The following DDX1 variants were observed in gnomAD, a reference collection of about 807,000 sequenced individuals.
DDX1 encodes DEAD-box helicase 1.
Under a neutral mutation model 108.7 loss-of-function variants are expected in DDX1, and 28 were observed. The ratio of observed to expected loss-of-function variants is 0.26; its 90% CI spans 0.19 to 0.35. The LOEUF is 0.35. Among genes scored for constraint, DDX1 ranks in the 10% least tolerant of loss-of-function variants. The probability of loss-of-function intolerance (pLI) is 1.00; values close to 1 mark genes in which losing one functional copy is unlikely to be tolerated. For missense variants in DDX1, 710 were observed against 884.5 expected (o/e 0.80, Z 2.50); for synonymous variants, 295 against 288.9 (o/e 1.02, Z -0.21).
Position 15,595,510 on chromosome 2 carries a change from C to T in DDX1, c.89C>T (p.Ala30Val). 1.2e-6 allele frequency: 2 copies of T among 1,611,170 alleles called. No homozygotes were observed. The highest frequency in any genetic ancestry group is 1.7e-6 in the Non-Finnish European group (2 of 1,177,380). ...MDWLLPTDIQ[A>V]ESIPLILGGG... is the part of the protein sequence containing the mutation. ...TTTAGCCTCCCAACTGATATCCAGG[C>T]TGAATCTATCCCATTGATCTTAGGA... Residue 30 changes from alanine to valine, a missense_variant, in exon 3 of 26, where the codon GCT (alanine) becomes GTT (valine). This residue lies in a region of DDX1 where 48 missense variants were observed against 57.5 expected (regional missense o/e 0.83). Coordinates refer to ENST00000233084, the MANE Select transcript of DDX1 (RefSeq NM_004939.3).
intron 5 of DDX1, among the ~76,000 whole-genome samples, 187 bp from the exon 6 acceptor site, chr2:15,599,481 AT>A (rs202201418): frequency 4.2e-4 from 60 of 142,094 alleles, no homozygotes; most frequent in Non-Finnish European, 3.7e-4. Context: ...TAATTTTTGT[AT>A]TTTTTTTTTT....
In DDX1 at chr2:15,629,657, A is replaced by G. The variant is rs1245341922; in HGVS notation, c.1931A>G (p.Lys644Arg). 6.3e-6 allele frequency: 10 copies of G among 1,589,392 alleles called. No homozygotes were observed. Among genetic ancestry groups the G allele is most frequent in the Non-Finnish European group, 8.5e-6 (10 of 1,172,638 alleles). The change falls in exon 24 of 26, where the codon AAG (lysine) becomes AGG (arginine). Residue 644 changes from lysine (K) to arginine (R), a missense_variant. Physicochemically the swap from Lys to Arg is conservative, Grantham distance 26. Transcript: ENST00000233084. ...RGKGCYNTRL[K>R]EDGGCTIWYN... ...AAAGGGTGTTATAACACAAGACTCA[A>G]GGAAGATGGAGGCTGTACCATATGG...
chr2:15,598,318 T>G (rs1352911384), intron 5 of DDX1, among the ~76,000 whole-genome samples: 1 of 152,178 alleles, frequency 6.6e-6, no homozygotes, highest in Admixed American at 6.5e-5. Flanking sequence ...ATGTAACTAT[T>G]TACACTATTG....
rs750670424 is a variant in DDX1 at position 15,607,322 on chromosome 2, T to G, written c.956+9T>G. The G allele has an allele frequency of 6.2e-7, 1 of 1,611,718 alleles. No individual in the cohort carries two copies. Among genetic ancestry groups the G allele is most frequent in the Non-Finnish European group, 8.5e-7 (1 of 1,178,290 alleles). On this transcript the variant is annotated intron_variant, in intron 13 of 25. Transcript: ENST00000233084. ...GATAATCCTAAATTAAGGTAAATCT[T>G]CCTTTTGTGCTGAAATGCTTATTGT...
intron 19 of DDX1, among the ~76,000 whole-genome samples, chr2:15,626,501 T>C (rs371099962): frequency 6.6e-6 from 1 of 152,260 alleles, no homozygotes; most frequent in East Asian, 1.9e-4. Flanking sequence ...TTGAAGAGTT[T>C]TCTTTTGGGG....
At chr2:15,592,628 C>T (rs1321728610) in intron 1 of DDX1, among the ~76,000 whole-genome samples, 4 of 152,090 alleles carry the variant, frequency 2.6e-5, no homozygotes, top group Non-Finnish European at 5.9e-5. Flanking sequence ...TATGGCTTAT[C>T]GAACCCTACA....
At chr2:15,611,519 C>T in intron 13 of DDX1, among the ~76,000 whole-genome samples, 1 of 141,368 alleles carries the variant, frequency 7.1e-6, no homozygotes, top group South Asian at 2.4e-4. Flanking sequence ...GGGGGCTGAC[C>T]CCCCCACCTC....
At chr2:15,600,815 C>G (rs2148738213) in intron 6 of DDX1, among the ~76,000 whole-genome samples, 1 of 130,222 alleles carries the variant, frequency 7.7e-6, no homozygotes, top group South Asian at 2.5e-4. Flanking sequence ...GTGGCGCGAT[C>G]TCAGCTCACT....
At chr2:15,618,422 T>G (rs1665935742) in intron 16 of DDX1, 152 bp downstream of exon 16, 1 of 542,578 alleles carries the variant, frequency 1.8e-6, no homozygotes. Flanking sequence ...CCACTTGGCC[T>G]GGCAGGCTGT....
intron 19 of DDX1, among the ~76,000 whole-genome samples, chr2:15,626,639 CT>C (rs1666104242): frequency 6.6e-6 from 1 of 152,204 alleles, no homozygotes; most frequent in Admixed American, 6.6e-5. Flanking sequence ...AGAGAGCAGG[CT>C]TATGGGCATG....
intron 13 of DDX1, among the ~76,000 whole-genome samples, chr2:15,611,226 C>G (rs1163744804): frequency 6.6e-6 from 1 of 150,828 alleles, no homozygotes; most frequent in Non-Finnish European, 1.5e-5. Context: ...AACAGGATCC[C>G]AAGGCAGAAG....
intron 17 of DDX1, 115 bp from the exon 18 acceptor site, chr2:15,620,950 A>G: frequency 1.6e-6 from 1 of 629,166 alleles, no homozygotes; most frequent in Non-Finnish European, 2.7e-6. Context: ...ATGAAGACAT[A>G]TATCTGAAAT....
intron 6 of DDX1, 150 bp from the exon 7 acceptor site, chr2:15,602,398 A>G (rs1277304709): frequency 3.4e-6 from 2 of 593,834 alleles, no homozygotes; most frequent in Non-Finnish European, 6.1e-6. Context: ...CTCAGGAATC[A>G]GTAAGTCTCA....
Position 15,628,513 on chromosome 2 carries a change from T to G in DDX1, c.1755T>G (p.Pro585=). 1 of 1,613,068 alleles carries G rather than the reference T, an allele frequency of 6.2e-7. No individual in the cohort carries two copies. Among genetic ancestry groups the G allele is most frequent in the Non-Finnish European group, 8.5e-7 (1 of 1,179,132 alleles). The change falls in exon 21 of 26, where the codon CCT becomes CCG. Residue 585 remains proline, a synonymous_variant. Coordinates refer to ENST00000233084, the MANE Select transcript of DDX1 (RefSeq NM_004939.3). The stretch of plus-strand genomic sequence containing the variant: ...GAGGAATTGATATCCACGGTGTTCC[T>G]TATGGTAAAAAGCAACTTTTTATGC... ...AARGIDIHGV[P]YVINVTLPDE...
intron 16 of DDX1, 28 bp downstream of exon 16, chr2:15,618,298 A>G (rs780904913): frequency 1.7e-6 from 2 of 1,150,532 alleles, no homozygotes; most frequent in South Asian, 2.7e-5. Flanking sequence ...GCATCTTAAA[A>G]TGCATGTAAA....
In DDX1 at chr2:15,628,839, G is replaced by A; in HGVS notation, c.1875G>A (p.Lys625=). Residue 625 remains lysine (K), a splice_region_variant and synonymous_variant, in exon 23 of 26, where the codon AAG becomes AAA. Transcript: ENST00000233084. ...CCCTGGTGGCAACAGAAAAAGAAAA[G>A]GTAATCTTTGTAGGGCTCTATTATA... The part of the protein sequence containing the change: ...AISLVATEKE[K]VWYHVCSSRG... 3 of 1,612,886 alleles carry A rather than the reference G, an allele frequency of 1.9e-6. No individual in the cohort carries two copies. Among genetic ancestry groups the A allele is most frequent in the Non-Finnish European group, 2.5e-6 (3 of 1,179,006 alleles).
intron 13 of DDX1, among the ~76,000 whole-genome samples, chr2:15,610,040 T>C (rs1325002977): frequency 6.6e-6 from 1 of 152,142 alleles, no homozygotes; most frequent in Admixed American, 6.5e-5. Flanking sequence ...GCTCAAGCAA[T>C]CCTCCCACCT....
chr2:15,625,494 C>G (rs915537083), intron 19 of DDX1, among the ~76,000 whole-genome samples: 1 of 152,102 alleles, frequency 6.6e-6, no homozygotes, highest in Non-Finnish European at 1.5e-5. Flanking sequence ...ATGCCGAACT[C>G]TGTACTGATG....
chr2:15,626,769 C>T (rs1025727856), intron 19 of DDX1, among the ~76,000 whole-genome samples: 3 of 152,122 alleles, frequency 2.0e-5, no homozygotes, highest in Non-Finnish European at 2.9e-5. Context: ...CTGGTGTACA[C>T]ATAGGCATTT....
Sources: gnomAD v4.1 joint callset for allele counts (sites outside exome capture counted in the v4.1 genomes callset) on GRCh38, gnomAD v4.1.1 for gene constraint, gnomAD v4.1.1 regional missense constraint, MANE v1.5 for transcripts, NCBI Gene and HGNC (gene_info 2026-07-23, HGNC 2026-07-21) for gene names.